ZNF69: variants seen among roughly 807,000 people sequenced by gnomAD.
ZNF69 encodes the protein ZNF3.
A neutral mutation model predicts 50.9 loss-of-function variants in ZNF69; 47 were observed. The ratio of observed to expected loss-of-function variants is 0.92; its 90% CI spans 0.73 to 1.18. The LOEUF (loss-of-function observed/expected upper bound fraction) is 1.18. ZNF69 is among the 50% of genes most tolerant of loss of function. The probability of loss-of-function intolerance (pLI) is 0.00; values close to 1 mark genes in which losing one functional copy is unlikely to be tolerated. For missense variants in ZNF69, 717 were observed against 675.1 expected, an observed-to-expected ratio of 1.06 and a Z score of -0.69; for synonymous variants, 216 against 223.1, an observed-to-expected ratio of 0.97 and a Z score of 0.29.
At chr19:11,907,622 TGA>T (rs1385753511), downstream of ZNF69, among the ~76,000 whole-genome samples, 1 of 152,116 alleles carries the variant, frequency 6.6e-6, no homozygotes, top group Non-Finnish European at 1.5e-5. Context: ...ATTCAAATGC[TGA>T]GAGATTTTGT....
chr19:11,945,400 T>A, the ZNF69 span, among the ~76,000 whole-genome samples: 33 of 152,224 alleles, frequency 2.2e-4, no homozygotes, highest in Non-Finnish European at 3.8e-4. Flanking sequence ...ACAAGTCCTG[T>A]ACTGGCCTGT....
At chr19:11,924,518 C>G in the ZNF69 span, among the ~76,000 whole-genome samples, 1 of 151,888 alleles carries the variant, frequency 6.6e-6, no homozygotes, top group Non-Finnish European at 1.5e-5. Flanking sequence ...GGTGGCGTCA[C>G]CTGGATAAAG....
the ZNF69 span, chr19:11,979,715 T>C: frequency 6.3e-7 from 1 of 1,598,072 alleles, no homozygotes; most frequent in Admixed American, 1.7e-5. Flanking sequence ...GCCCTACGAG[T>C]GTAAGCAATG....
chr19:11,978,809 G>C, the ZNF69 span: 1 of 1,614,026 alleles, frequency 6.2e-7, no homozygotes, highest in South Asian at 1.1e-5. Context: ...CCTTCAGTTG[G>C]TGTCATTCCT....
the ZNF69 span, chr19:11,977,252 C>G: frequency 1.9e-6 from 3 of 1,604,158 alleles, no homozygotes; most frequent in African/African-American, 2.7e-5. Context: ...GGAACATAGA[C>G]AGGAAATACT....
chr19:11,890,570 A>G (rs1357624479), intron 1 of ZNF69, among the ~76,000 whole-genome samples: 2 of 152,168 alleles, frequency 1.3e-5, no homozygotes, highest in Non-Finnish European at 2.9e-5. Context: ...TTTTCTATGT[A>G]GACACAGTAA....
the ZNF69 span, among the ~76,000 whole-genome samples, chr19:11,932,379 A>G: frequency 6.8e-6 from 1 of 147,610 alleles, no homozygotes; most frequent in Non-Finnish European, 1.5e-5. Flanking sequence ...ATTAGTTTCA[A>G]TATGCTATGC....
At chr19:11,944,718 C>T in the ZNF69 span, among the ~76,000 whole-genome samples, 1 of 152,228 alleles carries the variant, frequency 6.6e-6, no homozygotes, top group Non-Finnish European at 1.5e-5. Flanking sequence ...TCAAAGGGGG[C>T]TGCTCCATAA....
At chr19:11,933,837 T>TC in the ZNF69 span, among the ~76,000 whole-genome samples, 1 of 137,446 alleles carries the variant, frequency 7.3e-6, no homozygotes, top group African/African-American at 3.1e-5. Flanking sequence ...GGAGCAAGAC[T>TC]CCATCTCAGA....
chr19:11,960,383 G>C, the ZNF69 span, among the ~76,000 whole-genome samples: 1 of 152,136 alleles, frequency 6.6e-6, no homozygotes, highest in East Asian at 1.9e-4. Context: ...CAGTGGTGTG[G>C]CCACTCACTG....
the ZNF69 span, chr19:11,950,122 G>T: frequency 6.2e-7 from 1 of 1,614,076 alleles, no homozygotes; most frequent in Non-Finnish European, 8.5e-7. Context: ...AACACACATT[G>T]GAGAGAAACA....
chr19:11,939,874 A>G, the ZNF69 span: 1 of 152,252 alleles, frequency 6.6e-6, no homozygotes, highest in African/African-American at 2.4e-5. Flanking sequence ...AAGTTCTGTA[A>G]GATGAATTCT....
At chr19:11,971,490 T>A in the ZNF69 span, among the ~76,000 whole-genome samples, 9 of 152,222 alleles carry the variant, frequency 5.9e-5, 1 homozygote. Flanking sequence ...GCATCTTGGC[T>A]GTTCTTAGTC....
intron 1 of ZNF69, among the ~76,000 whole-genome samples, chr19:11,898,215 A>G (rs571584682): frequency 9.9e-5 from 15 of 152,100 alleles, no homozygotes; most frequent in African/African-American, 2.9e-4. Context: ...GTGATATTTC[A>G]TATTGGATTT....
At chr19:11,899,711 G>A (rs1415023307) in intron 1 of ZNF69, among the ~76,000 whole-genome samples, 1 of 152,084 alleles carries the variant, frequency 6.6e-6, no homozygotes, top group Non-Finnish European at 1.5e-5. Context: ...ATTTGTGGGA[G>A]GACTTTTGTG....
At chr19:11,950,188 C>G in the ZNF69 span, 1 of 1,613,732 alleles carries the variant, frequency 6.2e-7, no homozygotes, top group Non-Finnish European at 8.5e-7. Flanking sequence ...CTTGCATATA[C>G]ACGCAAGGAC....
chr19:11,958,501 C>A, the ZNF69 span, among the ~76,000 whole-genome samples: 2 of 152,190 alleles, frequency 1.3e-5, no homozygotes, highest in Non-Finnish European at 2.9e-5. Flanking sequence ...ACAAAAGACA[C>A]CATAGGTCAG....
At chr19:11,936,442 T>C in the ZNF69 span, among the ~76,000 whole-genome samples, 3 of 152,254 alleles carry the variant, frequency 2.0e-5, no homozygotes, top group Non-Finnish European at 2.9e-5. Context: ...TGACCAGTGT[T>C]GATGAGCATT....
intron 1 of ZNF69, among the ~76,000 whole-genome samples, chr19:11,900,559 G>T (rs1972222220): frequency 6.6e-6 from 1 of 151,622 alleles, no homozygotes; most frequent in African/African-American, 2.4e-5. Flanking sequence ...CACCATGTTA[G>T]TCAGGCTGGT....
Sources: allele counts gnomAD v4.1 joint callset (sites outside exome capture counted in the v4.1 genomes callset), GRCh38; gene constraint gnomAD v4.1.1; transcripts MANE v1.5; gene names NCBI Gene and HGNC (gene_info 2026-07-23, HGNC 2026-07-21).